EPHB1: variants seen among roughly 807,000 people sequenced by gnomAD.
The protein encoded by EPHB1 is ephrin type-B receptor 1.
In EPHB1, 30 loss-of-function variants were observed where a neutral mutation model predicts 94.4. That is an observed-to-expected ratio of 0.32 (90% confidence interval 0.24 to 0.43). EPHB1 has a LOEUF of 0.43. Ranked by LOEUF, EPHB1 falls within the 20% of genes least tolerant of loss-of-function variation. EPHB1 has a pLI of 1.00. For missense variants in EPHB1, 1,055 were observed against 1,308.3 expected (o/e 0.81, Z 2.99); for synonymous variants, 522 against 489.1 (o/e 1.07, Z -0.89).
intron 1 of EPHB1, among the ~76,000 whole-genome samples, chr3:134,921,019 G>A (rs1226010610): frequency 1.3e-5 from 2 of 152,118 alleles, no homozygotes; most frequent in South Asian, 2.1e-4. Context: ...GAGTAGCTGG[G>A]ATTACAGGTG....
intron 1 of EPHB1, among the ~76,000 whole-genome samples, chr3:134,805,577 A>G (rs2036027588): frequency 6.6e-6 from 1 of 152,018 alleles, no homozygotes; most frequent in Non-Finnish European, 1.5e-5. Context: ...TCCCAGCTCC[A>G]CACAGGTACA....
chr3:134,882,778 C>CT (rs1358014664), intron 1 of EPHB1, among the ~76,000 whole-genome samples: 1 of 13,494 alleles, frequency 7.4e-5, no homozygotes, highest in Non-Finnish European at 5.9e-4. Flanking sequence ...TTCTTTCTTT[C>CT]TTTCTTTCTT....
intron 1 of EPHB1, among the ~76,000 whole-genome samples, chr3:134,836,638 C>T (rs1030490619): frequency 1.3e-5 from 2 of 152,306 alleles, no homozygotes; most frequent in Non-Finnish European, 2.9e-5. Context: ...TGAATATTTA[C>T]ATTCAACAGA....
intron 3 of EPHB1, among the ~76,000 whole-genome samples, chr3:135,097,051 A>C (rs959832684): frequency 1.4e-5 from 2 of 147,384 alleles, no homozygotes; most frequent in East Asian, 2.0e-4. Context: ...AGCTGAGATC[A>C]TGCCACTGCA....
chr3:134,975,326 G>A (rs754877132), intron 3 of EPHB1, among the ~76,000 whole-genome samples: 5 of 152,160 alleles, frequency 3.3e-5, no homozygotes, highest in African/African-American at 4.8e-5. Flanking sequence ...GGGCAGGGCA[G>A]GGGATGCAGA....
chr3:134,830,280 A>G (rs1316926695), intron 1 of EPHB1, among the ~76,000 whole-genome samples: 1 of 152,238 alleles, frequency 6.6e-6, no homozygotes, highest in Non-Finnish European at 1.5e-5. Flanking sequence ...ACTCTTACCT[A>G]GCCACAGTAC....
chr3:134,993,285 T>C (rs1934879506), intron 3 of EPHB1, among the ~76,000 whole-genome samples: 1 of 152,200 alleles, frequency 6.6e-6, no homozygotes, highest in Admixed American at 6.5e-5. Flanking sequence ...CAGATAGATC[T>C]CATCCTGGCC....
Position 135,241,276 on chromosome 3 carries a change from T to C in EPHB1, c.2475T>C (p.Tyr825=), listed in dbSNP as rs142422340. The change falls in exon 13 of 16, where the codon TAT becomes TAC. Residue 825 remains tyrosine (Y), a synonymous_variant. Transcript: ENST00000398015. ...WEVMSFGERP[Y]WDMSNQDVIN... is the part of the protein sequence containing the mutation. ...TCATGTCATTTGGAGAGAGACCCTA[T>C]TGGGATATGTCCAACCAAGATGTGA... is the stretch of plus-strand genomic sequence containing the variant. 1,047 of 1,614,172 alleles carry C rather than the reference T, an allele frequency of 6.5e-4. 6 individuals carry two copies. In the African/African-American group the frequency reaches 0.011, roughly 17 times the overall value.
At chr3:135,202,901 C>T (rs1400342310) in intron 12 of EPHB1, among the ~76,000 whole-genome samples, 4 of 152,182 alleles carry the variant, frequency 2.6e-5, no homozygotes, top group African/African-American at 4.8e-5. Context: ...AATCATTCTA[C>T]TATAAAGACA....
At chr3:135,178,458 CAAA>C (rs57207495) in intron 9 of EPHB1, among the ~76,000 whole-genome samples, 32 of 98,760 alleles carry the variant, frequency 3.2e-4, no homozygotes, top group African/African-American at 8.1e-4. Flanking sequence ...AAGACTGTCT[CAAA>C]AAAAAAAAAA....
At chr3:135,101,434 C>T (rs568207494) in intron 3 of EPHB1, among the ~76,000 whole-genome samples, 4 of 152,040 alleles carry the variant, frequency 2.6e-5, no homozygotes, top group East Asian at 3.9e-4. Flanking sequence ...AGTGCAGTGG[C>T]GCGATCTTGG....
At chr3:134,802,160 G>A (rs1488642715) in intron 1 of EPHB1, among the ~76,000 whole-genome samples, 7 of 151,618 alleles carry the variant, frequency 4.6e-5, no homozygotes. Flanking sequence ...TGACAGGCCG[G>A]GCGCGGTGGC....
intron 1 of EPHB1, among the ~76,000 whole-genome samples, chr3:134,846,131 G>C (rs1364824782): frequency 6.6e-6 from 1 of 152,190 alleles, no homozygotes; most frequent in African/African-American, 2.4e-5. Context: ...CTCCTTGGAG[G>C]CCCAGGGGAC....
intron 1 of EPHB1, among the ~76,000 whole-genome samples, chr3:134,891,290 T>G (rs1382023051): frequency 6.6e-6 from 1 of 152,090 alleles, no homozygotes; most frequent in Non-Finnish European, 1.5e-5. Context: ...TTGTATTTTT[T>G]GTAGAGACAG....
chr3:135,145,308 T>A (rs1940974703), intron 5 of EPHB1, among the ~76,000 whole-genome samples: 1 of 152,140 alleles, frequency 6.6e-6, no homozygotes, highest in Admixed American at 6.5e-5. Context: ...AAACTTTGGT[T>A]TTTTGATATG....
chr3:134,902,323 G>C (rs528172180), intron 1 of EPHB1, among the ~76,000 whole-genome samples: 1 of 152,238 alleles, frequency 6.6e-6, no homozygotes, highest in South Asian at 2.1e-4. Context: ...GTCCAGGAGG[G>C]TGTACAAGTT....
intron 5 of EPHB1, among the ~76,000 whole-genome samples, chr3:135,134,045 C>T (rs1170653279): frequency 6.6e-6 from 1 of 152,166 alleles, no homozygotes. Flanking sequence ...TATATGCATG[C>T]AGTAAATACC....
intron 4 of EPHB1, among the ~76,000 whole-genome samples, chr3:135,116,372 T>A (rs968440738): frequency 6.6e-6 from 1 of 152,216 alleles, no homozygotes; most frequent in African/African-American, 2.4e-5. Context: ...GTACAACCTG[T>A]GCTACCATCT....
chr3:134,981,666 T>A (rs1240127623), intron 3 of EPHB1, among the ~76,000 whole-genome samples: 5 of 152,224 alleles, frequency 3.3e-5, no homozygotes, highest in African/African-American at 1.2e-4. Flanking sequence ...CATGCCTGCG[T>A]GCATCTGTGC....
Sources: allele counts gnomAD v4.1 joint callset (sites outside exome capture counted in the v4.1 genomes callset), GRCh38; gene constraint gnomAD v4.1.1; transcripts MANE v1.5; gene names NCBI Gene and HGNC (gene_info 2026-07-23, HGNC 2026-07-21).